KHDRBS2: variants seen among roughly 807,000 people sequenced by gnomAD.
KHDRBS2 encodes the protein KH domain-containing, RNA-binding, signal transduction-associated protein 2.
Under a neutral mutation model 44.3 loss-of-function variants are expected in KHDRBS2, and 26 were observed. The ratio of observed to expected loss-of-function variants is 0.59; its 90% CI spans 0.43 to 0.81. The LOEUF (loss-of-function observed/expected upper bound fraction) is 0.81, where lower values mean the gene tolerates loss of function less well. Ranked by LOEUF, KHDRBS2 falls within the 40% of genes least tolerant of loss-of-function variation. The probability of loss-of-function intolerance (pLI) is 0.00; values close to 1 mark genes in which losing one functional copy is unlikely to be tolerated. For synonymous variants in KHDRBS2, 194 were observed against 151.1 expected (o/e 1.28, Z -2.08); for missense variants, 476 against 433.1 (o/e 1.10, Z -0.88).
the KHDRBS2 span, among the ~76,000 whole-genome samples, chr6:61,607,520 CAA>C: frequency 6.8e-4 from 28 of 41,104 alleles, no homozygotes; most frequent in African/African-American, 2.4e-3. Flanking sequence ...GAGTTCCAAG[CAA>C]AAAAAAAAAA....
At chr6:61,850,992 C>T (rs1795325712) in intron 6 of KHDRBS2, among the ~76,000 whole-genome samples, 1 of 152,084 alleles carries the variant, frequency 6.6e-6, no homozygotes, top group Non-Finnish European at 1.5e-5. Context: ...GAATGACTAC[C>T]TCACCTGGTA....
At chr6:62,143,900 T>G (rs935658492) in intron 2 of KHDRBS2, among the ~76,000 whole-genome samples, 1 of 151,824 alleles carries the variant, frequency 6.6e-6, no homozygotes, top group African/African-American at 2.4e-5. Context: ...CTTTTGAAAT[T>G]TATGCTTTTT....
chr6:62,203,124 G>A (rs772818377), intron 1 of KHDRBS2, among the ~76,000 whole-genome samples: 7 of 152,144 alleles, frequency 4.6e-5, no homozygotes, highest in Admixed American at 1.3e-4. Flanking sequence ...GGAAGCAAGC[G>A]TGGGAGGAGA....
chr6:61,914,498 G>A (rs747044396), intron 4 of KHDRBS2, among the ~76,000 whole-genome samples: 2 of 150,002 alleles, frequency 1.3e-5, no homozygotes, highest in African/African-American at 4.9e-5. Context: ...ATCACACACC[G>A]GGGTCTGTTG....
intron 6 of KHDRBS2, among the ~76,000 whole-genome samples, chr6:61,891,864 C>T (rs1801906313): frequency 6.6e-6 from 1 of 152,136 alleles, no homozygotes; most frequent in Non-Finnish European, 1.5e-5. Context: ...CCTCTCTCAC[C>T]ACTCCTATTC....
chr6:62,086,701 C>A (rs748904845), intron 2 of KHDRBS2, among the ~76,000 whole-genome samples: 3 of 152,044 alleles, frequency 2.0e-5, no homozygotes, highest in Admixed American at 6.6e-5. Flanking sequence ...ATAGGAGAAT[C>A]CCAAAATCAT....
At chr6:61,547,248 C>T in the KHDRBS2 span, among the ~76,000 whole-genome samples, 1 of 152,052 alleles carries the variant, frequency 6.6e-6, no homozygotes, top group African/African-American at 2.4e-5. Context: ...TGTATTTTTG[C>T]CTCTTCTTGG....
intron 4 of KHDRBS2, among the ~76,000 whole-genome samples, chr6:61,913,543 C>T (rs1199608213): frequency 6.6e-6 from 1 of 151,128 alleles, no homozygotes. Flanking sequence ...AACAAATATG[C>T]TTGCTTATTT....
At chr6:61,614,640 C>T in the KHDRBS2 span, among the ~76,000 whole-genome samples, 1 of 152,018 alleles carries the variant, frequency 6.6e-6, no homozygotes, top group Non-Finnish European at 1.5e-5. Context: ...TTCAGTTAGT[C>T]CACTGACATT....
At chr6:61,905,408 G>A (rs1804782606) in intron 4 of KHDRBS2, among the ~76,000 whole-genome samples, 2 of 151,772 alleles carry the variant, frequency 1.3e-5, no homozygotes, top group South Asian at 4.1e-4. Flanking sequence ...TGCAGAAATA[G>A]CTAGACGTAT....
intron 3 of KHDRBS2, among the ~76,000 whole-genome samples, chr6:61,994,556 ACT>A (rs1776806466): frequency 6.6e-6 from 1 of 152,018 alleles, no homozygotes; most frequent in Non-Finnish European, 1.5e-5. Context: ...TCTTGTGAAG[ACT>A]CTGTGTTATG....
At chr6:61,947,764 A>G (rs1218657774) in intron 4 of KHDRBS2, among the ~76,000 whole-genome samples, 1 of 151,976 alleles carries the variant, frequency 6.6e-6, no homozygotes, top group Non-Finnish European at 1.5e-5. Flanking sequence ...TATATGCATG[A>G]ATATACTGAG....
chr6:61,900,194 T>C (rs1390438336), intron 5 of KHDRBS2, among the ~76,000 whole-genome samples: 4 of 152,072 alleles, frequency 2.6e-5, no homozygotes, highest in Non-Finnish European at 5.9e-5. Context: ...AGAATTTATC[T>C]TTCTTAACTT....
rs116074348 is a variant in KHDRBS2, at chr6:62,222,354, C to T, written c.92-45042G>A. ...AGAAAAAGAGGTTTAATTGGACTTG[C>T]AGTTCCACATGGCTGGAGAGGCCTC... On this transcript the variant is annotated intron_variant, in intron 1 of 8. Coordinates refer to ENST00000281156, the MANE Select transcript of KHDRBS2 (RefSeq NM_152688.4). 7.3e-4 allele frequency among the ~76,000 whole-genome samples: 111 copies of T among 152,200 alleles called. 1 individual carries two copies. Among genetic ancestry groups the T allele is most frequent in the African/African-American group, 2.5e-3 (103 of 41,530 alleles).
At chr6:61,931,330 G>T (rs886863711) in intron 4 of KHDRBS2, among the ~76,000 whole-genome samples, 1 of 151,696 alleles carries the variant, frequency 6.6e-6, no homozygotes, top group Non-Finnish European at 1.5e-5. Context: ...TTTTTATAAA[G>T]GTTGGAAGTT....
chr6:62,122,464 C>A (rs766709837), intron 2 of KHDRBS2, among the ~76,000 whole-genome samples: 2 of 152,154 alleles, frequency 1.3e-5, no homozygotes, highest in Non-Finnish European at 2.9e-5. Flanking sequence ...GCATTCCATT[C>A]CGTCATCAAA....
chr6:61,721,406 C>A (rs1489385685), intron 7 of KHDRBS2, among the ~76,000 whole-genome samples: 1 of 151,448 alleles, frequency 6.6e-6, no homozygotes, highest in Non-Finnish European at 1.5e-5. Flanking sequence ...TCTTCCTACC[C>A]ATGAGCATGG....
At chr6:61,549,401 C>T in the KHDRBS2 span, among the ~76,000 whole-genome samples, 2 of 151,932 alleles carry the variant, frequency 1.3e-5, no homozygotes, top group South Asian at 2.1e-4. Context: ...TTATCATATT[C>T]AAAATGAAAA....
At chr6:61,945,090 TAAA>T (rs1175643834) in intron 4 of KHDRBS2, among the ~76,000 whole-genome samples, 535 of 26,254 alleles carry the variant, frequency 0.02, 16 homozygotes, top group African/African-American at 0.05. Flanking sequence ...GACTCTGTCT[TAAA>T]AAAAAAAAAA....
Sources: allele counts gnomAD v4.1 joint callset (sites outside exome capture counted in the v4.1 genomes callset), GRCh38; gene constraint gnomAD v4.1.1; transcripts MANE v1.5; gene names NCBI Gene and HGNC (gene_info 2026-07-23, HGNC 2026-07-21).